Variants in ANO2 observed in about 807,000 individuals in gnomAD.
ANO2 encodes anoctamin 2.
A neutral mutation model predicts 124.2 loss-of-function variants in ANO2; 101 were observed. The observed-to-expected ratio is 0.81, with a 90% CI of 0.69 to 0.96. The LOEUF (loss-of-function observed/expected upper bound fraction) is 0.96. Ranked by LOEUF, ANO2 falls within the 40% of genes least tolerant of loss-of-function variation. The pLI is 0.00. For synonymous variants in ANO2, 486 were observed against 482.5 expected (o/e 1.01, Z -0.09); for missense variants, 1,293 against 1,274.5 (o/e 1.01, Z -0.22).
In ANO2 at chr12:5,563,292, G is replaced by T. The variant is rs749880346; in HGVS notation, c.*7C>A. 10 of 1,593,800 alleles carry T rather than the reference G, an allele frequency of 6.3e-6. No homozygotes were observed. The African/African-American group carries it at 1.2e-4, about 19-fold the overall frequency. The stretch of plus-strand genomic sequence containing the variant: ...GCCGTGCCCTCCTCTGCTGCAGGCT[G>T]AACTGCTCACACATTGGTGTGCTGA... On this transcript the variant is annotated 3_prime_UTR_variant, in exon 25 of 25. Coordinates refer to ENST00000682330, the MANE Select transcript of ANO2 (RefSeq NM_001364791.2).
intron 14 of ANO2, among the ~76,000 whole-genome samples, chr12:5,649,648 AG>A (rs2136958297): frequency 6.6e-6 from 1 of 152,262 alleles, no homozygotes; most frequent in Non-Finnish European, 1.5e-5. Context: ...TCTGTTGCCC[AG>A]GCTAGAGTGC....
At position 5,928,512 on chromosome 12, in the gene ANO2, C is replaced by T. The variant is rs28493580; in HGVS notation, c.23-5708G>A. ...TCCTCACTGGTCTACTTTCCTTCCT[C>T]TCTAGTCTACCTTCCTTCCTTACTC... On this transcript the variant is annotated intron_variant, in intron 1 of 24. Coordinates refer to ENST00000682330, the MANE Select transcript of ANO2 (RefSeq NM_001364791.2). Among the ~76,000 whole-genome samples the T allele has an allele frequency of 1.9e-4, 25 of 134,212 alleles. 1 individual carries two copies. The highest frequency in any genetic ancestry group is 3.2e-4 in the Admixed American group (4 of 12,550). The allele number at this position is 134,212 out of a possible 152,430, so 88.0% of individuals were successfully genotyped here. A position where few individuals can be genotyped will look rare whatever the true frequency, so the allele number is the denominator to read the frequency against.
chr12:5,692,810 G>A (rs769636132), intron 14 of ANO2, among the ~76,000 whole-genome samples: 7 of 152,286 alleles, frequency 4.6e-5, no homozygotes, highest in Non-Finnish European at 8.8e-5. Flanking sequence ...ACAGTGTGAG[G>A]GAACGCTTCC....
chr12:5,606,565 G>A (rs1944230720), intron 19 of ANO2, among the ~76,000 whole-genome samples: 1 of 152,162 alleles, frequency 6.6e-6, no homozygotes, highest in African/African-American at 2.4e-5. Context: ...TTTCAGAAAT[G>A]TGAGGATTTT....
intron 13 of ANO2, among the ~76,000 whole-genome samples, chr12:5,734,083 ATG>A (rs1591539606): frequency 6.6e-6 from 1 of 152,274 alleles, no homozygotes; most frequent in East Asian, 1.9e-4. Context: ...GCATTTCCTA[ATG>A]TGTGTGCCAA....
intron 14 of ANO2, among the ~76,000 whole-genome samples, chr12:5,683,739 T>C (rs1282881395): frequency 6.6e-6 from 1 of 151,934 alleles, no homozygotes; most frequent in Non-Finnish European, 1.5e-5. Flanking sequence ...GTCAAACAGA[T>C]GATCGGTGTA....
At chr12:5,606,306 T>A (rs1944218968) in intron 19 of ANO2, among the ~76,000 whole-genome samples, 1 of 152,174 alleles carries the variant, frequency 6.6e-6, no homozygotes, top group South Asian at 2.1e-4. Flanking sequence ...TTTAGTTATT[T>A]CCTTTGCTGC....
intron 20 of ANO2, chr12:5,583,856 C>A: frequency 1.0e-5 from 2 of 193,554 alleles, no homozygotes. Flanking sequence ...TGCAGAATAT[C>A]ATCATGGTGA....
At chr12:5,686,752 C>T (rs1948727767) in intron 14 of ANO2, among the ~76,000 whole-genome samples, 1 of 152,230 alleles carries the variant, frequency 6.6e-6, no homozygotes, top group Non-Finnish European at 1.5e-5. Flanking sequence ...GGCTGGATCA[C>T]AGCAGTGGTG....
intron 3 of ANO2, among the ~76,000 whole-genome samples, chr12:5,920,036 A>AATGG (rs558209463): frequency 0.12 from 18,017 of 145,478 alleles, 1,238 homozygotes; most frequent in East Asian, 0.28. Context: ...GGTGTGGATA[A>AATGG]ATGGATGGAT....
intron 10 of ANO2, among the ~76,000 whole-genome samples, chr12:5,796,568 C>A (rs1445649733): frequency 6.6e-6 from 1 of 152,108 alleles, no homozygotes; most frequent in Non-Finnish European, 1.5e-5. Flanking sequence ...CATACAGGCT[C>A]ACACACACAC....
intron 14 of ANO2, among the ~76,000 whole-genome samples, chr12:5,663,930 G>C (rs1413763870): frequency 6.6e-6 from 1 of 152,182 alleles, no homozygotes; most frequent in Non-Finnish European, 1.5e-5. Context: ...TGACCTTTGT[G>C]GTCCAGGATG....
At chr12:5,816,677 T>C (rs1953621016) in intron 7 of ANO2, among the ~76,000 whole-genome samples, 1 of 152,202 alleles carries the variant, frequency 6.6e-6, no homozygotes, top group African/African-American at 2.4e-5. Context: ...TAATTGGAGA[T>C]GATCACTCCT....
At chr12:5,844,510 A>G (rs1306895473) in intron 4 of ANO2, among the ~76,000 whole-genome samples, 2 of 152,236 alleles carry the variant, frequency 1.3e-5, no homozygotes, top group East Asian at 3.8e-4. Flanking sequence ...CAACATCAAT[A>G]ACAGAGGAAA....
chr12:5,865,300 T>C (rs1466052468), intron 3 of ANO2, among the ~76,000 whole-genome samples: 4 of 151,550 alleles, frequency 2.6e-5, no homozygotes, highest in Non-Finnish European at 4.4e-5. Context: ...CACACCATCA[T>C]GCCATCACAT....
chr12:5,592,484 C>T (rs79048434), intron 20 of ANO2, among the ~76,000 whole-genome samples: 5 of 152,136 alleles, frequency 3.3e-5, no homozygotes, highest in South Asian at 2.1e-4. Flanking sequence ...CAGATACACA[C>T]ACGCGGGCCT....
In ANO2 at chr12:5,925,837, G is replaced by A. The variant is rs1267077415; in HGVS notation, c.23-3033C>T. Among the ~76,000 whole-genome samples, 2 of 152,218 alleles carry A rather than the reference G, an allele frequency of 1.3e-5. No individual in the cohort carries two copies. The highest frequency in any genetic ancestry group is 2.9e-5 in the Non-Finnish European group (2 of 68,042). ...CGTCTGGGTTGAGGAGATGGATGTC[G>A]TAAGGCTGGGGCCTGGGCCTTTCTC... On this transcript the variant is annotated intron_variant, in intron 1 of 24. Coordinates refer to ENST00000682330, the MANE Select transcript of ANO2 (RefSeq NM_001364791.2). The surrounding 1 kb of genome is among the most constrained non-coding windows in gnomAD (Gnocchi z 4.6).
intron 14 of ANO2, among the ~76,000 whole-genome samples, chr12:5,655,100 C>A (rs1947092417): frequency 6.6e-6 from 1 of 152,128 alleles, no homozygotes; most frequent in South Asian, 2.1e-4. Flanking sequence ...TTCTTCTATC[C>A]CTTTTCTCCC....
chr12:5,876,828 G>C (rs938000666), intron 3 of ANO2, among the ~76,000 whole-genome samples: 4 of 152,162 alleles, frequency 2.6e-5, no homozygotes, highest in South Asian at 2.1e-4. Context: ...GGACCTGTCA[G>C]GGGTAGGGGG....
Sources: gnomAD v4.1 joint callset for allele counts (sites outside exome capture counted in the v4.1 genomes callset) on GRCh38, gnomAD v4.1.1 for gene constraint, Gnocchi (gnomAD v3.1) non-coding constraint, MANE v1.5 for transcripts, NCBI Gene and HGNC (gene_info 2026-07-23, HGNC 2026-07-21) for gene names.